Variants in LRMDA observed in about 807,000 individuals in gnomAD.
LRMDA encodes the protein leucine-rich melanocyte differentiation-associated protein.
In LRMDA, 18 loss-of-function variants were observed where a neutral mutation model predicts 29.8. The observed-to-expected ratio is 0.60, with a 90% CI of 0.42 to 0.90. LRMDA has a LOEUF of 0.90. Ranked by LOEUF, LRMDA falls within the 40% of genes least tolerant of loss-of-function variation. The probability of loss-of-function intolerance (pLI) is 0.00; values close to 1 mark genes in which losing one functional copy is unlikely to be tolerated. For synonymous variants in LRMDA, 125 were observed against 109.4 expected (o/e 1.14, Z -0.89); for missense variants, 273 against 273.9 (o/e 1.00, Z 0.02).
intron 2 of LRMDA, among the ~76,000 whole-genome samples, chr10:75,661,712 G>T (rs1464523425): frequency 6.6e-6 from 1 of 152,148 alleles, no homozygotes; most frequent in African/African-American, 2.4e-5. Context: ...CCTTATCCAG[G>T]CAAAAGAAAC....
intron 6 of LRMDA, among the ~76,000 whole-genome samples, chr10:76,388,428 G>A (rs1841685842): frequency 6.6e-6 from 1 of 152,188 alleles, no homozygotes; most frequent in South Asian, 2.1e-4. Context: ...ATGATCTGAA[G>A]ACTCATGTTC....
intron 3 of LRMDA, 31 bp downstream of exon 3, chr10:76,036,165 C>T (rs773305598): frequency 2.9e-5 from 46 of 1,582,852 alleles, no homozygotes. Context: ...TGCCCCCACT[C>T]CCCACCCAGC....
chr10:76,180,057 A>C lies in LRMDA; in HGVS notation c.516+121274A>C, dbSNP rs374176671. Among the ~76,000 whole-genome samples, 342 of 152,288 alleles carry C rather than the reference A, an allele frequency of 2.2e-3. 1 individual carries two copies. Among genetic ancestry groups the C allele is most frequent in the Middle Eastern group, 6.8e-3 (2 of 294 alleles). The stretch of plus-strand genomic sequence containing the variant: ...CTGTTGTGGAGCCCAGATAGGGGAT[A>C]GCTTTGAAAGTAAGGGCTGCTGCTA... On this transcript the variant is annotated intron_variant, in intron 5 of 6. Transcript: ENST00000611255.
At chr10:76,200,254 G>T (rs1478242162) in intron 5 of LRMDA, among the ~76,000 whole-genome samples, 1 of 152,168 alleles carries the variant, frequency 6.6e-6, no homozygotes, top group Non-Finnish European at 1.5e-5. Flanking sequence ...ATGAGCCACT[G>T]CATCCAGCTT....
chr10:76,503,059 A>G (rs1045564722), intron 6 of LRMDA, among the ~76,000 whole-genome samples: 7 of 151,820 alleles, frequency 4.6e-5, no homozygotes, highest in African/African-American at 1.7e-4. Context: ...ATTATTTTGA[A>G]GTATGTTCTT....
intron 2 of LRMDA, among the ~76,000 whole-genome samples, chr10:75,463,791 C>T (rs557328708): frequency 6.6e-6 from 1 of 152,156 alleles, no homozygotes; most frequent in Non-Finnish European, 1.5e-5. Flanking sequence ...CCTTAGCCTC[C>T]CGAGTAGCTA....
At chr10:75,766,702 G>A (rs1843173122) in intron 2 of LRMDA, among the ~76,000 whole-genome samples, 1 of 152,094 alleles carries the variant, frequency 6.6e-6, no homozygotes, top group African/African-American at 2.4e-5. Context: ...AGGCACACAT[G>A]TGTCATGGTG....
At chr10:75,495,696 A>G (rs2132064670) in intron 2 of LRMDA, among the ~76,000 whole-genome samples, 1 of 152,328 alleles carries the variant, frequency 6.6e-6, no homozygotes, top group South Asian at 2.1e-4. Context: ...ACCTCATAGA[A>G]GTCCCTGGAA....
intron 5 of LRMDA, among the ~76,000 whole-genome samples, chr10:76,100,142 T>C (rs924087206): frequency 7.2e-5 from 11 of 152,216 alleles, no homozygotes; most frequent in African/African-American, 2.7e-4. Context: ...TGTTATGTGT[T>C]CCTGATAAAT....
chr10:75,628,980 G>A (rs1841290526), intron 2 of LRMDA, among the ~76,000 whole-genome samples: 1 of 152,218 alleles, frequency 6.6e-6, no homozygotes, highest in Non-Finnish European at 1.5e-5. Context: ...CCCTCTAGTA[G>A]CATTTTTAAT....
At chr10:76,154,396 C>A (rs112792881) in intron 5 of LRMDA, among the ~76,000 whole-genome samples, 26 of 152,160 alleles carry the variant, frequency 1.7e-4, no homozygotes, top group Non-Finnish European at 3.7e-4. Context: ...ACAATTAGAG[C>A]ATCTAGACCA....
chr10:75,905,107 A>G (rs1348882727), intron 2 of LRMDA, among the ~76,000 whole-genome samples: 4 of 152,164 alleles, frequency 2.6e-5, no homozygotes, highest in Non-Finnish European at 5.9e-5. Flanking sequence ...CTTCAGTTGT[A>G]AATTCTGGTG....
At chr10:75,632,318 G>T (rs1841333868) in intron 2 of LRMDA, among the ~76,000 whole-genome samples, 3 of 152,326 alleles carry the variant, frequency 2.0e-5, no homozygotes, top group South Asian at 4.1e-4. Flanking sequence ...ATTACAATCT[G>T]GTTGTTCTCA....
chr10:76,277,849 A>C (rs1200778928), intron 5 of LRMDA, among the ~76,000 whole-genome samples: 1 of 152,202 alleles, frequency 6.6e-6, no homozygotes, highest in Non-Finnish European at 1.5e-5. Context: ...CTTTATTGGA[A>C]TAGCCAGACT....
chr10:75,843,187 T>C (rs775002285), intron 2 of LRMDA, among the ~76,000 whole-genome samples: 27 of 152,190 alleles, frequency 1.8e-4, no homozygotes, highest in Admixed American at 3.3e-4. Flanking sequence ...GATGAATTAA[T>C]GAGTTCAGGG....
chr10:75,433,732 T>C (rs764433281), intron 1 of LRMDA, among the ~76,000 whole-genome samples: 30 of 152,194 alleles, frequency 2.0e-4, no homozygotes, highest in Non-Finnish European at 3.4e-4. Flanking sequence ...AGTGTGAATA[T>C]AGTTTTTATT....
chr10:75,921,063 T>C (rs1239703397), intron 2 of LRMDA, among the ~76,000 whole-genome samples: 1 of 152,214 alleles, frequency 6.6e-6, no homozygotes, highest in East Asian at 1.9e-4. Context: ...CTTTAGATAT[T>C]TAAACAGGGA....
intron 6 of LRMDA, among the ~76,000 whole-genome samples, chr10:76,553,014 G>T (rs1390703990): frequency 6.6e-6 from 1 of 152,184 alleles, no homozygotes; most frequent in South Asian, 2.1e-4. Flanking sequence ...AAAAGATAAA[G>T]GGCCTCTTTA....
chr10:75,623,060 A>G (rs958600488), intron 2 of LRMDA, among the ~76,000 whole-genome samples: 2 of 152,252 alleles, frequency 1.3e-5, no homozygotes, highest in Admixed American at 6.5e-5. Flanking sequence ...TCTTTCAAAT[A>G]TATAACTCTG....
Sources: allele counts gnomAD v4.1 joint callset (sites outside exome capture counted in the v4.1 genomes callset), GRCh38; gene constraint gnomAD v4.1.1; transcripts MANE v1.5; gene names NCBI Gene and HGNC (gene_info 2026-07-23, HGNC 2026-07-21).